HPSE2: variants seen among roughly 807,000 people sequenced by gnomAD.
The protein encoded by HPSE2 is inactive heparanase-2.
In HPSE2, 38 loss-of-function variants were observed where a neutral mutation model predicts 60.5. The ratio of observed to expected loss-of-function variants is 0.63; its 90% CI spans 0.48 to 0.82. The LOEUF (loss-of-function observed/expected upper bound fraction) is 0.82, where lower values mean the gene tolerates loss of function less well. HPSE2 is among the 40% of genes least tolerant of loss of function. The pLI is 0.00. For synonymous variants in HPSE2, 295 were observed against 293.2 expected (o/e 1.01, Z -0.06); for missense variants, 713 against 740.4 (o/e 0.96, Z 0.43).
chr10:98,889,286 G>A (rs189196706), intron 3 of HPSE2, among the ~76,000 whole-genome samples: 13 of 151,884 alleles, frequency 8.6e-5, no homozygotes, highest in East Asian at 7.7e-4. Flanking sequence ...TGGCTCAAGC[G>A]ATCCTCCTAC....
chr10:98,545,811 G>T lies in HPSE2; in HGVS notation c.1321-55615C>A, dbSNP rs559551342. Among the ~76,000 whole-genome samples the T allele has an allele frequency of 6.6e-3, 994 of 151,396 alleles. 13 individuals carry two copies. The highest frequency in any genetic ancestry group is 0.023 in the African/African-American group (932 of 41,298). On this transcript the variant is annotated intron_variant, in intron 9 of 11. Coordinates refer to ENST00000370552, the MANE Select transcript of HPSE2 (RefSeq NM_021828.5). ...TTGGAAGTTCTGGCCAGGGCAATTA[G>T]GCAGGAGAAGGAAATAAAGGGTATT... is the stretch of plus-strand genomic sequence containing the variant.
Position 98,910,434 on chromosome 10 carries a change from G to C in HPSE2, c.611-166378C>G, listed in dbSNP as rs574977867. ...GGGCACATAGGGAACTTAAAGGGCT[G>C]CCAGCAATGTTCCATTTCTTGATGG... On this transcript the variant is annotated intron_variant, in intron 3 of 11. Transcript: ENST00000370552. Among the ~76,000 whole-genome samples, 51 of 152,326 alleles carry C rather than the reference G, an allele frequency of 3.3e-4. 1 individual carries two copies. The highest frequency in any genetic ancestry group is 2.4e-3 in the Admixed American group (36 of 15,294).
chr10:99,291,844 A>T, the HPSE2 span, among the ~76,000 whole-genome samples: 2 of 152,072 alleles, frequency 1.3e-5, no homozygotes, highest in Non-Finnish European at 1.5e-5. Flanking sequence ...CCATTTAGTT[A>T]TTTAGTTATA....
rs372357319 is a variant in HPSE2, at chr10:99,213,052, G to A, written c.448+19296C>T. Among the ~76,000 whole-genome samples, 22 of 152,192 alleles carry A rather than the reference G, an allele frequency of 1.4e-4. No homozygotes were observed. The East Asian group carries it at 3.9e-3, about 27-fold the overall frequency. On this transcript the variant is annotated intron_variant, in intron 2 of 11. Transcript: ENST00000370552. ...GGAATAGGACAACAACAGACCAAAG[G>A]TAGAGTGAGAAATACCAAAAGCAGT...
the HPSE2 span, among the ~76,000 whole-genome samples, chr10:99,244,382 TTTATTATTATTA>T: frequency 1.1e-4 from 15 of 134,158 alleles, no homozygotes; most frequent in South Asian, 5.1e-4. Flanking sequence ...TTTTATTTCT[TTTATTATTATTA>T]TTATTATTAT....
chr10:98,546,502 T>C (rs1038377616), intron 9 of HPSE2, among the ~76,000 whole-genome samples: 1 of 151,482 alleles, frequency 6.6e-6, no homozygotes, highest in Non-Finnish European at 1.5e-5. Context: ...TAACGCCGCA[T>C]ACCTACAACT....
intron 3 of HPSE2, among the ~76,000 whole-genome samples, chr10:98,987,004 G>A (rs1956376379): frequency 6.6e-6 from 1 of 151,976 alleles, no homozygotes; most frequent in African/African-American, 2.4e-5. Context: ...ATAATTAACA[G>A]CCTACCAACC....
chr10:98,637,580 CAAGT>C (rs750252694), intron 7 of HPSE2, among the ~76,000 whole-genome samples: 7 of 152,152 alleles, frequency 4.6e-5, no homozygotes, highest in Non-Finnish European at 8.8e-5. Context: ...TCAGAGAAAT[CAAGT>C]AAGTGACTGG....
chr10:99,072,399 T>C (rs145564290), intron 3 of HPSE2, among the ~76,000 whole-genome samples: 18 of 152,212 alleles, frequency 1.2e-4, no homozygotes, highest in African/African-American at 4.1e-4. Context: ...CCAATCTATC[T>C]ATCTGACAAA....
intron 2 of HPSE2, among the ~76,000 whole-genome samples, chr10:99,212,640 A>C (rs992671693): frequency 5.3e-5 from 8 of 152,158 alleles, no homozygotes; most frequent in African/African-American, 1.9e-4. Flanking sequence ...ATTGTGGGGC[A>C]GAGGGTTGGT....
chr10:99,070,509 G>C (rs949945564), intron 3 of HPSE2, among the ~76,000 whole-genome samples: 8 of 152,098 alleles, frequency 5.3e-5, no homozygotes, highest in Admixed American at 5.2e-4. Flanking sequence ...ATTGTAGTAA[G>C]AACATTTAGC....
intron 2 of HPSE2, among the ~76,000 whole-genome samples, chr10:99,221,237 T>C (rs569954010): frequency 6.6e-6 from 1 of 152,310 alleles, no homozygotes; most frequent in South Asian, 2.1e-4. Flanking sequence ...AAAGCATAAA[T>C]CTGTAGAAGT....
intron 6 of HPSE2, among the ~76,000 whole-genome samples, chr10:98,655,639 T>G (rs1216853156): frequency 6.6e-6 from 1 of 152,210 alleles, no homozygotes; most frequent in Non-Finnish European, 1.5e-5. Flanking sequence ...AACAACTTCC[T>G]ATTTTCATGT....
At chr10:98,967,637 T>C (rs1328425962) in intron 3 of HPSE2, among the ~76,000 whole-genome samples, 2 of 152,204 alleles carry the variant, frequency 1.3e-5, no homozygotes, top group Non-Finnish European at 2.9e-5. Flanking sequence ...AATGTCAGAA[T>C]TCACATGTGG....
intron 3 of HPSE2, among the ~76,000 whole-genome samples, chr10:98,949,308 T>C (rs1256103827): frequency 6.6e-6 from 1 of 151,978 alleles, no homozygotes; most frequent in Non-Finnish European, 1.5e-5. Flanking sequence ...TTGAGGATTG[T>C]TAATATAGAC....
intron 3 of HPSE2, among the ~76,000 whole-genome samples, chr10:99,053,523 CAAT>C (rs969386526): frequency 1.3e-5 from 2 of 152,018 alleles, no homozygotes; most frequent in African/African-American, 4.8e-5. Flanking sequence ...ATCCCACTTC[CAAT>C]CATGTTGGTA....
intron 3 of HPSE2, among the ~76,000 whole-genome samples, chr10:99,128,116 G>C (rs1845233775): frequency 6.6e-6 from 1 of 152,142 alleles, no homozygotes; most frequent in African/African-American, 2.4e-5. Flanking sequence ...GCAACAATTA[G>C]AATACAGAAC....
Position 99,108,064 on chromosome 10 carries a change from G to A in HPSE2, c.610+36174C>T, listed in dbSNP as rs79487677. ...ACAGACTATTCCTCTCTAGATGAAG[G>A]AATTAAAAATGGCTGAAGCAGATAG... On this transcript the variant is annotated intron_variant, in intron 3 of 11. Transcript: ENST00000370552. Among the ~76,000 whole-genome samples, 440 of 152,266 alleles carry A rather than the reference G, an allele frequency of 2.9e-3. 2 individuals are homozygous for A. The highest frequency in any genetic ancestry group is 5.4e-3 in the Admixed American group (82 of 15,288).
chr10:99,092,969 G>A (rs556816769), intron 3 of HPSE2, among the ~76,000 whole-genome samples: 12 of 152,212 alleles, frequency 7.9e-5, no homozygotes, highest in Admixed American at 5.9e-4. Flanking sequence ...AGTGGCTCAC[G>A]CCTATAATCA....
Sources: allele counts gnomAD v4.1 joint callset (sites outside exome capture counted in the v4.1 genomes callset), GRCh38; gene constraint gnomAD v4.1.1; transcripts MANE v1.5; gene names NCBI Gene and HGNC (gene_info 2026-07-23, HGNC 2026-07-21).